The following EOGT variants were observed in gnomAD, a reference collection of about 807,000 sequenced individuals.
EOGT encodes the protein EGF domain-specific O-linked N-acetylglucosamine transferase.
Under a neutral mutation model 70.5 loss-of-function variants are expected in EOGT, and 55 were observed. The observed-to-expected ratio is 0.78, with a 90% CI of 0.63 to 0.98. The LOEUF (loss-of-function observed/expected upper bound fraction) is 0.98, where lower values mean the gene tolerates loss of function less well. Among genes scored for constraint, EOGT ranks in the 50% least tolerant of loss-of-function variants. The probability of loss-of-function intolerance (pLI) is 0.00; values close to 1 mark genes in which losing one functional copy is unlikely to be tolerated. For synonymous variants in EOGT, 246 were observed against 217.1 expected (o/e 1.13, Z -1.17); for missense variants, 703 against 641.9 (o/e 1.10, Z -1.03).
rs185407306 is a variant in EOGT, at chr3:69,002,278, G to A, written c.621-564C>T. Among the ~76,000 whole-genome samples the A allele has an allele frequency of 2.0e-5, 3 of 152,298 alleles. No homozygotes were observed. In the East Asian group the frequency reaches 5.8e-4, roughly 29 times the overall value. ...AGCTGCTCCCAAACCCTGACCCTCA[G>A]AAGTACTGTGAGATAATAAATGTTT... On this transcript the variant is annotated intron_variant, in intron 8 of 17. Coordinates refer to ENST00000383701, the MANE Select transcript of EOGT (RefSeq NM_001278689.2).
chr3:69,003,027 A>G (rs2091340287), intron 8 of EOGT, among the ~76,000 whole-genome samples: 1 of 152,168 alleles, frequency 6.6e-6, no homozygotes, highest in East Asian at 1.9e-4. Flanking sequence ...GTGACTATAC[A>G]GGAGTAGCAG....
chr3:68,988,261 A>G lies in EOGT; in HGVS notation c.1083+34T>C. The G allele has an allele frequency of 2.1e-6, 3 of 1,404,260 alleles. No homozygotes were observed. The South Asian group carries it at 3.8e-5, about 18-fold the overall frequency. The allele number at this position is 1,404,260 out of a possible 1,614,324, so 87.0% of individuals were successfully genotyped here. On this transcript the variant is annotated intron_variant, in intron 13 of 17. Coordinates refer to ENST00000383701, the MANE Select transcript of EOGT (RefSeq NM_001278689.2). ...CGATTTTTATTAGGGAAGAAAACTC[A>G]AGCCCACCTCAGAATCCGCAGTGTA...
rs910834528 is a variant in EOGT, at chr3:68,985,584, T to C, written c.1152+1861A>G. Among the ~76,000 whole-genome samples the C allele has an allele frequency of 4.7e-4, 71 of 152,202 alleles. 1 individual carries two copies. Among genetic ancestry groups the C allele is most frequent in the African/African-American group, 1.3e-3 (55 of 41,440 alleles). ...TGGCCTTCTCTAATGTGAATGTACT[T>C]TTACATTCCAAAAGTAAGTATCATA... On this transcript the variant is annotated intron_variant, in intron 14 of 17. Transcript: ENST00000383701.
chr3:68,986,495 C>T (rs566653498), intron 14 of EOGT, among the ~76,000 whole-genome samples: 3 of 152,198 alleles, frequency 2.0e-5, no homozygotes, highest in Non-Finnish European at 2.9e-5. Flanking sequence ...TTGGATATCG[C>T]CCCACCTCTC....
At chr3:68,978,199 T>C in intron 17 of EOGT, 134 bp downstream of exon 17, 1 of 696,324 alleles carries the variant, frequency 1.4e-6, no homozygotes, top group East Asian at 2.9e-5. Context: ...AAATATAAAA[T>C]AAAACAATTC....
chr3:68,988,621 T>G, intron 11 of EOGT, 44 bp from the exon 12 acceptor site: 2 of 1,230,644 alleles, frequency 1.6e-6, no homozygotes, highest in Non-Finnish European at 2.2e-6. Context: ...TTTGCACCCT[T>G]CACACCAAAA....
intron 14 of EOGT, among the ~76,000 whole-genome samples, chr3:68,986,096 G>A (rs567869856): frequency 7.2e-4 from 109 of 152,100 alleles, no homozygotes; most frequent in Admixed American, 1.4e-3. Context: ...ACTCTGATTT[G>A]ATCAGTGAGA....
intron 8 of EOGT, 51 bp downstream of exon 8, chr3:69,004,327 C>T: frequency 7.5e-7 from 1 of 1,327,224 alleles, no homozygotes; most frequent in Non-Finnish European, 1.1e-6. Context: ...TCTGCAAGTG[C>T]CGTAAATAAA....
Position 68,977,614 on chromosome 3 carries a change from A to G in EOGT, c.*4T>C, listed in dbSNP as rs765992224. 11 of 1,613,736 alleles carry G rather than the reference A, an allele frequency of 6.8e-6. No individual in the cohort carries two copies. The Admixed American group carries it at 1.2e-4, about 17-fold the overall frequency. ...CTCTCTTTTTGCAAACAGACTCAGC[A>G]TATTTATAGCTCATCATGTTTCTTC... is the stretch of plus-strand genomic sequence containing the variant. On this transcript the variant is annotated 3_prime_UTR_variant, in exon 18 of 18. Transcript: ENST00000383701.
At position 68,996,726 on chromosome 3, in the gene EOGT, G is replaced by A. The variant is rs189442830; in HGVS notation, c.831+1285C>T. Among the ~76,000 whole-genome samples, 319 of 152,316 alleles carry A rather than the reference G, an allele frequency of 2.1e-3. 3 individuals are homozygous for A. Among genetic ancestry groups the A allele is most frequent in the African/African-American group, 7.3e-3 (304 of 41,568 alleles). Reference sequence around the variant, plus strand: ...TGGAAGAAACACCTGAGGCTGCCCTGCCAGCAAGCTGTGGTTCCCCTGCAA... The same window carrying A: ...TGGAAGAAACACCTGAGGCTGCCCTACCAGCAAGCTGTGGTTCCCCTGCAA... On this transcript the variant is annotated intron_variant, in intron 10 of 17. Transcript: ENST00000383701.
intron 10 of EOGT, among the ~76,000 whole-genome samples, chr3:68,990,332 G>C (rs2090954668): frequency 6.9e-6 from 1 of 144,534 alleles, no homozygotes. Flanking sequence ...GTTCTTTCCA[G>C]TATAATTACC....
chr3:69,012,682 G>C lies in EOGT; in HGVS notation c.-238C>G, dbSNP rs1350752128. The C allele has an allele frequency of 2.2e-4, 34 of 152,462 alleles. No homozygotes were observed. The highest frequency in any genetic ancestry group is 2.2e-3 in the Admixed American group (34 of 15,286). 9.4% of individuals were successfully genotyped at this position (152,462 alleles called of 1,614,324 possible). A position where few individuals can be genotyped will look rare whatever the true frequency, so the allele number is the denominator to read the frequency against. On this transcript the variant is annotated 5_prime_UTR_variant, in exon 2 of 18. It adds an upstream start codon to the 5' untranslated region. Coordinates refer to ENST00000383701, the MANE Select transcript of EOGT (RefSeq NM_001278689.2). ...TCGGTCGTCCTGCAAGGCCCGCCGG[G>C]ATGGGTGGCTGCACTCCTCCAGCAC... is the stretch of plus-strand genomic sequence containing the variant.
intron 15 of EOGT, among the ~76,000 whole-genome samples, chr3:68,981,466 A>G (rs1380490845): frequency 6.6e-6 from 1 of 152,230 alleles, no homozygotes. Context: ...AAGTGTTCAC[A>G]GTGTTAGATT....
chr3:69,009,565 T>A, intron 4 of EOGT, 72 bp downstream of exon 4: 1 of 1,218,448 alleles, frequency 8.2e-7, no homozygotes, highest in Non-Finnish European at 1.2e-6. Context: ...AGTTTCAGGT[T>A]ATAAAGCAGA....
intron 10 of EOGT, among the ~76,000 whole-genome samples, chr3:68,989,445 T>A (rs2090914928): frequency 6.6e-6 from 1 of 151,696 alleles, no homozygotes; most frequent in African/African-American, 2.4e-5. Flanking sequence ...AGCAAGAAAA[T>A]GGGTTCAAAG....
chr3:69,010,580 CCTT>C (rs1229594041), intron 3 of EOGT, among the ~76,000 whole-genome samples: 1 of 152,184 alleles, frequency 6.6e-6, no homozygotes, highest in Non-Finnish European at 1.5e-5. Flanking sequence ...TAATAATAAA[CCTT>C]CATCATAGAG....
intron 10 of EOGT, among the ~76,000 whole-genome samples, chr3:68,989,721 C>T (rs1443506264): frequency 2.1e-5 from 3 of 144,570 alleles, no homozygotes; most frequent in Non-Finnish European, 4.5e-5. Flanking sequence ...GCACTCCAGC[C>T]TGGGCAACAA....
chr3:68,985,463 C>A (rs903482367), intron 14 of EOGT, among the ~76,000 whole-genome samples: 5 of 152,166 alleles, frequency 3.3e-5, no homozygotes, highest in African/African-American at 1.2e-4. Flanking sequence ...CCACCTCCCC[C>A]CTCAACTTTC....
chr3:68,996,006 C>G (rs757682888), intron 10 of EOGT, among the ~76,000 whole-genome samples: 1 of 152,094 alleles, frequency 6.6e-6, no homozygotes. Context: ...TGTTTAAAAA[C>G]GGCAAAACAA....
Sources: allele counts gnomAD v4.1 joint callset (sites outside exome capture counted in the v4.1 genomes callset), GRCh38; gene constraint gnomAD v4.1.1; transcripts MANE v1.5; gene names NCBI Gene and HGNC (gene_info 2026-07-23, HGNC 2026-07-21).